SNTG2: variants seen among roughly 807,000 people sequenced by gnomAD.
SNTG2 encodes the protein gamma-2-syntrophin.
SNTG2 carries 74 observed loss-of-function variants against 70.9 expected under a neutral mutation model. The ratio of observed to expected loss-of-function variants is 1.04; its 90% confidence interval spans 0.86 to 1.27. SNTG2 has a LOEUF of 1.27. SNTG2 is among the 50% of genes most tolerant of loss of function. The pLI is 0.00. For missense variants in SNTG2, 717 were observed against 690.7 expected (o/e 1.04, Z -0.43); for synonymous variants, 278 against 273.8 (o/e 1.02, Z -0.15).
At chr2:1,109,022 C>T (rs1372860092) in intron 4 of SNTG2, among the ~76,000 whole-genome samples, 1 of 135,936 alleles carries the variant, frequency 7.4e-6, no homozygotes, top group Non-Finnish European at 1.6e-5. Flanking sequence ...TGGAGAGCTG[C>T]TTGGTAATAG....
chr2:1,301,119 C>T (rs918877041), intron 14 of SNTG2, among the ~76,000 whole-genome samples: 3 of 151,960 alleles, frequency 2.0e-5, no homozygotes, highest in African/African-American at 7.3e-5. Context: ...CCTCAGCATC[C>T]CCCAGAGGTG....
At chr2:1,041,540 T>C (rs1296331623) in intron 1 of SNTG2, among the ~76,000 whole-genome samples, 1 of 152,168 alleles carries the variant, frequency 6.6e-6, no homozygotes, top group African/African-American at 2.4e-5. Flanking sequence ...GGTGTTTGGG[T>C]CATGGGCACC....
chr2:1,145,259 C>G (rs1669022291), intron 6 of SNTG2, among the ~76,000 whole-genome samples: 1 of 148,674 alleles, frequency 6.7e-6, no homozygotes, highest in South Asian at 2.2e-4. Context: ...GAGAAGAAAT[C>G]AGGGACTGAA....
At chr2:1,281,962 C>A (rs962669929) in intron 14 of SNTG2, among the ~76,000 whole-genome samples, 1 of 152,150 alleles carries the variant, frequency 6.6e-6, no homozygotes, top group Non-Finnish European at 1.5e-5. Flanking sequence ...GACCTTGCTA[C>A]CACTTCTGGC....
chr2:1,014,860 C>T (rs991567053), intron 1 of SNTG2, among the ~76,000 whole-genome samples: 4 of 151,632 alleles, frequency 2.6e-5, no homozygotes, highest in African/African-American at 9.7e-5. Context: ...GCATGAATCT[C>T]GAGGTTTGGT....
intron 1 of SNTG2, among the ~76,000 whole-genome samples, chr2:1,057,010 G>A (rs940680672): frequency 3.3e-5 from 5 of 151,276 alleles, no homozygotes; most frequent in Admixed American, 1.3e-4. Flanking sequence ...GGAGAGGGCG[G>A]CGCAGCGCTG....
chr2:1,367,292 C>T (rs73182117), intron 16 of SNTG2, 51 bp from the exon 17 acceptor site: 54 of 1,469,334 alleles, frequency 3.7e-5, no homozygotes, highest in East Asian at 7.7e-5. Context: ...ATTTTTGTAA[C>T]GTGTTCTTCC....
At chr2:1,279,157 A>G (rs1679415740) in intron 14 of SNTG2, among the ~76,000 whole-genome samples, 1 of 151,752 alleles carries the variant, frequency 6.6e-6, no homozygotes, top group Non-Finnish European at 1.5e-5. Flanking sequence ...CTGTCAGTGC[A>G]TCCAGGCTGC....
At chr2:1,224,123 C>T (rs753763657) in intron 9 of SNTG2, among the ~76,000 whole-genome samples, 4 of 152,140 alleles carry the variant, frequency 2.6e-5, no homozygotes, top group Non-Finnish European at 4.4e-5. Flanking sequence ...GCACAGACCC[C>T]GTCAGGCTGC....
chr2:1,054,857 T>C (rs1662288339), intron 1 of SNTG2, among the ~76,000 whole-genome samples: 1 of 152,250 alleles, frequency 6.6e-6, no homozygotes. Context: ...TAGGGTCTAC[T>C]ATTAAGCATT....
intron 14 of SNTG2, among the ~76,000 whole-genome samples, chr2:1,269,626 C>T (rs919620608): frequency 6.6e-6 from 1 of 152,066 alleles, no homozygotes; most frequent in African/African-American, 2.4e-5. Flanking sequence ...TTTTAAAAAT[C>T]GTTGGTGTCT....
At chr2:990,053 T>C (rs1461603811) in intron 1 of SNTG2, among the ~76,000 whole-genome samples, 1 of 151,450 alleles carries the variant, frequency 6.6e-6, no homozygotes, top group African/African-American at 2.4e-5. Flanking sequence ...GTGGTTATTC[T>C]GACTCACACG....
intron 1 of SNTG2, among the ~76,000 whole-genome samples, chr2:970,515 G>A (rs56715853): frequency 0.078 from 11,137 of 142,438 alleles, 653 homozygotes; most frequent in South Asian, 0.2. Flanking sequence ...GAGAATACGC[G>A]GTGTTTGGTT....
intron 12 of SNTG2, among the ~76,000 whole-genome samples, chr2:1,256,026 CAGTT>C (rs1283650392): frequency 1.3e-5 from 2 of 149,758 alleles, no homozygotes; most frequent in African/African-American, 4.9e-5. Context: ...AGAAAATGCA[CAGTT>C]AGGCAATTTT....
chr2:1,168,068 G>A (rs551468854), intron 7 of SNTG2, among the ~76,000 whole-genome samples: 99 of 128,290 alleles, frequency 7.7e-4, no homozygotes, highest in African/African-American at 3.0e-3. Context: ...GCCCACAGAC[G>A]GCAGAACTGA....
Position 996,673 on chromosome 2 carries a change from G to GTTTTTTTTTTTTTTTTTTTTTTTTTT in SNTG2, c.72+45611_72+45636dup. On this transcript the variant is annotated intron_variant, in intron 1 of 16. Coordinates refer to ENST00000308624, the MANE Select transcript of SNTG2 (RefSeq NM_018968.4). ...ATATTGCTTGTATTTGAGTTACCCA[G>GTTTTTTTTTTTTTTTTTTTTTTTTTT]TTTTTTTTTTTTTTTTTTTTTTTTT... Among the ~76,000 whole-genome samples, 11 of 35,098 alleles carry GTTTTTTTTTTTTTTTTTTTTTTTTTT rather than the reference G, an allele frequency of 3.1e-4. 3 individuals carry two copies. The highest frequency in any genetic ancestry group is 3.8e-4 in the African/African-American group (3 of 7,990). The allele number at this position is 35,098 out of a possible 152,430, so 23.0% of individuals were successfully genotyped here. A position where few individuals can be genotyped will look rare whatever the true frequency, so the allele number is the denominator to read the frequency against.
chr2:1,144,053 G>C (rs780142871), intron 6 of SNTG2, among the ~76,000 whole-genome samples: 1 of 152,124 alleles, frequency 6.6e-6, no homozygotes, highest in Non-Finnish European at 1.5e-5. Flanking sequence ...ACGCTGGGTA[G>C]CCCCATAGAT....
chr2:1,029,074 C>T (rs1416547816), intron 1 of SNTG2, among the ~76,000 whole-genome samples: 1 of 152,170 alleles, frequency 6.6e-6, no homozygotes, highest in East Asian at 1.9e-4. Flanking sequence ...AGCAGGCCCC[C>T]ACGTTTCCGG....
chr2:963,449 T>C (rs1248660874), intron 1 of SNTG2, among the ~76,000 whole-genome samples: 1 of 152,170 alleles, frequency 6.6e-6, no homozygotes, highest in Admixed American at 6.5e-5. Context: ...GGCGAGCAAG[T>C]CAGTTTCCAC....
Sources: gnomAD v4.1 joint callset for allele counts (sites outside exome capture counted in the v4.1 genomes callset) on GRCh38, gnomAD v4.1.1 for gene constraint, MANE v1.5 for transcripts, NCBI Gene and HGNC (gene_info 2026-07-23, HGNC 2026-07-21) for gene names.